The following ADGRL2 variants were observed in gnomAD, a reference collection of about 807,000 sequenced individuals.
ADGRL2 encodes adhesion G protein-coupled receptor L2.
Under a neutral mutation model 157.4 loss-of-function variants are expected in ADGRL2, and 44 were observed. The ratio of observed to expected loss-of-function variants is 0.28; its 90% CI spans 0.22 to 0.36. ADGRL2 has a LOEUF of 0.36. ADGRL2 is among the 10% of genes least tolerant of loss of function. The pLI is 1.00. For missense variants in ADGRL2, 1,510 were observed against 1,768.9 expected, an observed-to-expected ratio of 0.85 and a Z score of 2.63; for synonymous variants, 585 against 624.7, an observed-to-expected ratio of 0.94 and a Z score of 0.95.
chr1:81,410,820 T>G (rs2101416665), intron 1 of ADGRL2, among the ~76,000 whole-genome samples: 1 of 152,342 alleles, frequency 6.6e-6, no homozygotes, highest in African/African-American at 2.4e-5. Context: ...TCTAGTGCAA[T>G]ATCTGTTTGC....
At chr1:81,415,525 T>C (rs2077017733) in intron 1 of ADGRL2, among the ~76,000 whole-genome samples, 1 of 152,190 alleles carries the variant, frequency 6.6e-6, no homozygotes, top group African/African-American at 2.4e-5. Flanking sequence ...GAAAGGGAGA[T>C]ACCACTGCAG....
At chr1:81,850,247 G>A (rs2092951773) in intron 2 of ADGRL2, among the ~76,000 whole-genome samples, 1 of 151,866 alleles carries the variant, frequency 6.6e-6, no homozygotes. Flanking sequence ...TGTAGTGAGT[G>A]AAGTTAAGAG....
At chr1:81,319,060 G>A (rs1167122365) in intron 1 of ADGRL2, among the ~76,000 whole-genome samples, 1 of 142,436 alleles carries the variant, frequency 7.0e-6, no homozygotes, top group East Asian at 2.2e-4. Flanking sequence ...TCCTGCCTCA[G>A]CCTCCCGAGT....
intron 2 of ADGRL2, among the ~76,000 whole-genome samples, chr1:81,493,096 AT>A (rs2078666018): frequency 1.3e-5 from 2 of 152,224 alleles, no homozygotes; most frequent in African/African-American, 2.4e-5. Context: ...AGTGAAAAAT[AT>A]TTGTATCTAA....
chr1:81,722,497 C>T (rs1368178917), intron 1 of ADGRL2: 32 of 1,557,464 alleles, frequency 2.1e-5, no homozygotes, highest in Non-Finnish European at 2.6e-5. Context: ...CAAATGCTGC[C>T]ATCCAAGACT....
Position 81,990,828 on chromosome 1 carries a change from C to A in ADGRL2, c.4093C>A (p.Leu1365Met). Reference protein sequence around the residue: ...SEGTDSYVSQLTAEAEDHLQS... With the variant: ...SEGTDSYVSQMTAEAEDHLQS... The stretch of plus-strand genomic sequence containing the variant: ...GGGAACTGACAGCTATGTCTCCCAA[C>A]TGACAGCAGAGGCTGAAGATCACCT... Residue 1365 changes from leucine (L) to methionine (M), a missense_variant, in exon 24 of 24, where the codon CTG becomes ATG. Physicochemically the swap from Leu to Met is conservative, Grantham distance 15. This residue lies in a region of ADGRL2 where 327 missense variants were observed against 310.1 expected (regional missense o/e 1.05). Transcript: ENST00000686636. 6.2e-7 allele frequency: 1 copy of A among 1,614,146 alleles called. No homozygotes were observed. The highest frequency in any genetic ancestry group is 8.5e-7 in the Non-Finnish European group (1 of 1,180,008).
At chr1:81,394,060 G>T (rs549553156) in intron 1 of ADGRL2, among the ~76,000 whole-genome samples, 2 of 151,826 alleles carry the variant, frequency 1.3e-5, no homozygotes, top group East Asian at 3.9e-4. Flanking sequence ...ATTTTAAAAT[G>T]GAATTACAAT....
chr1:81,449,036 T>A (rs2077656875), intron 2 of ADGRL2, among the ~76,000 whole-genome samples: 1 of 152,350 alleles, frequency 6.6e-6, no homozygotes, highest in African/African-American at 2.4e-5. Flanking sequence ...GTATAATAAA[T>A]TATGAATTTT....
intron 2 of ADGRL2, among the ~76,000 whole-genome samples, chr1:81,500,012 G>A (rs1050996611): frequency 6.6e-6 from 1 of 152,062 alleles, no homozygotes; most frequent in Admixed American, 6.5e-5. Context: ...GGCTGAAAAA[G>A]AAAAAGATTC....
chr1:81,884,649 A>G (rs914799603), intron 2 of ADGRL2, among the ~76,000 whole-genome samples: 6 of 152,170 alleles, frequency 3.9e-5, no homozygotes, highest in African/African-American at 1.2e-4. Context: ...TCTGTATAAG[A>G]TGGGGAGGTA....
chr1:81,870,385 G>A (rs1332566833), intron 2 of ADGRL2, among the ~76,000 whole-genome samples: 1 of 151,870 alleles, frequency 6.6e-6, no homozygotes, highest in Non-Finnish European at 1.5e-5. Context: ...TTCTTTCTTG[G>A]AGCATTTTGA....
chr1:81,507,419 C>T (rs2078997782), intron 2 of ADGRL2, among the ~76,000 whole-genome samples: 1 of 152,066 alleles, frequency 6.6e-6, no homozygotes, highest in South Asian at 2.1e-4. Context: ...TCTTTGGAGC[C>T]CCTAGGGTGT....
At chr1:81,849,678 T>C (rs1184553411) in intron 2 of ADGRL2, among the ~76,000 whole-genome samples, 1 of 151,926 alleles carries the variant, frequency 6.6e-6, no homozygotes, top group Non-Finnish European at 1.5e-5. Flanking sequence ...TTTAGGACGA[T>C]TGACTTTCCT....
In ADGRL2 at chr1:81,951,074, G is replaced by A. The variant is rs767811966; in HGVS notation, c.1561G>A (p.Asp521Asn). 7.4e-6 allele frequency: 12 copies of A among 1,613,434 alleles called. No individual in the cohort carries two copies. Among genetic ancestry groups the A allele is most frequent in the South Asian group, 2.2e-5 (2 of 91,060 alleles). Residue 521 changes from aspartate to asparagine, a missense_variant, in exon 8 of 24, where the codon GAT becomes AAT. This residue lies in a region of ADGRL2 where 325 missense variants were observed against 333.2 expected (regional missense o/e 0.98). Coordinates refer to ENST00000686636, the MANE Select transcript of ADGRL2 (RefSeq NM_001366006.2). ...TGGAACATGGAACCCTAAGGGCCCC[G>A]ATCTTAGCAACTGTACCTCACACTG... ...STGTWNPKGP[D>N]LSNCTSHWVN...
intron 17 of ADGRL2, among the ~76,000 whole-genome samples, chr1:81,972,328 A>G (rs1658996892): frequency 6.6e-6 from 1 of 152,120 alleles, no homozygotes; most frequent in South Asian, 2.1e-4. Flanking sequence ...TTTTAAATGA[A>G]TATCCACATC....
chr1:81,608,178 T>G (rs1467943155), intron 3 of ADGRL2, among the ~76,000 whole-genome samples: 4 of 152,184 alleles, frequency 2.6e-5, no homozygotes, highest in Non-Finnish European at 5.9e-5. Flanking sequence ...TAGTTATCTC[T>G]CAGTGTTTCT....
At chr1:81,739,421 T>C (rs1433525229) in intron 1 of ADGRL2, among the ~76,000 whole-genome samples, 5 of 152,198 alleles carry the variant, frequency 3.3e-5, no homozygotes, top group Non-Finnish European at 7.3e-5. Flanking sequence ...GACAGAACCC[T>C]TGGGCCCATT....
chr1:81,710,201 C>T (rs2149073454), intron 1 of ADGRL2, among the ~76,000 whole-genome samples: 1 of 152,256 alleles, frequency 6.6e-6, no homozygotes, highest in Admixed American at 6.5e-5. Flanking sequence ...GTTAAATAAA[C>T]CCATATGAAG....
chr1:81,718,057 G>A (rs2084173813), intron 1 of ADGRL2, among the ~76,000 whole-genome samples: 1 of 152,154 alleles, frequency 6.6e-6, no homozygotes, highest in Non-Finnish European at 1.5e-5. Flanking sequence ...GTCTCACTCT[G>A]TGGCAAGGCT....
Sources: allele counts gnomAD v4.1 joint callset (sites outside exome capture counted in the v4.1 genomes callset), GRCh38; gene constraint gnomAD v4.1.1; regional missense constraint gnomAD v4.1.1; transcripts MANE v1.5; gene names NCBI Gene and HGNC (gene_info 2026-07-23, HGNC 2026-07-21).